Variants in TRAF3 observed in about 807,000 individuals in gnomAD.
TRAF3 encodes the protein TNF receptor-associated factor 3.
A neutral mutation model predicts 62.3 loss-of-function variants in TRAF3; 13 were observed. The ratio of observed to expected loss-of-function variants is 0.21; its 90% confidence interval spans 0.14 to 0.33. The LOEUF (loss-of-function observed/expected upper bound fraction) is 0.33. TRAF3 is among the 10% of genes least tolerant of loss of function. TRAF3 has a pLI of 1.00. For synonymous variants in TRAF3, 269 were observed against 283.4 expected (o/e 0.95, Z 0.51); for missense variants, 440 against 741.8 (o/e 0.59, Z 4.73).
chr14:102,833,878 A>G (rs1467676220), intron 2 of TRAF3, among the ~76,000 whole-genome samples: 1 of 151,820 alleles, frequency 6.6e-6, no homozygotes, highest in African/African-American at 2.4e-5. Flanking sequence ...AATCCCAGCT[A>G]CTCAGGAGGC....
chr14:102,811,722 A>G (rs1172067182), intron 1 of TRAF3, among the ~76,000 whole-genome samples: 1 of 99,668 alleles, frequency 1.0e-5, no homozygotes, highest in African/African-American at 3.4e-5. Context: ...ATACTGCTAC[A>G]GCAGTAGTGT....
At chr14:102,791,938 G>A (rs1347580581) in intron 1 of TRAF3, among the ~76,000 whole-genome samples, 1 of 150,820 alleles carries the variant, frequency 6.6e-6, no homozygotes, top group Non-Finnish European at 1.5e-5. Flanking sequence ...TCAGCCTCCT[G>A]AGTAGGTGGG....
chr14:102,811,550 G>GTTTTTTTTTTTTTTTTTTT (rs35064640), intron 1 of TRAF3, among the ~76,000 whole-genome samples: 7 of 79,510 alleles, frequency 8.8e-5, no homozygotes, highest in Non-Finnish European at 1.2e-4. Flanking sequence ...GCTGTAGGCG[G>GTTTTTTTTTTTTTTTTTTT]TTTTTTTTTT....
chr14:102,899,836 C>T (rs1002972752), intron 10 of TRAF3, among the ~76,000 whole-genome samples: 3 of 152,082 alleles, frequency 2.0e-5, no homozygotes, highest in African/African-American at 4.8e-5. Context: ...GTCCGGGGAA[C>T]GATGAGTTCT....
At chr14:102,779,533 G>T (rs1419988732) in intron 1 of TRAF3, among the ~76,000 whole-genome samples, 1 of 152,090 alleles carries the variant, frequency 6.6e-6, no homozygotes, top group African/African-American at 2.4e-5. Context: ...ATCTGAGCCT[G>T]CGTTGCGGAT....
chr14:102,790,900 C>G (rs1307352993), intron 1 of TRAF3, among the ~76,000 whole-genome samples: 1 of 151,752 alleles, frequency 6.6e-6, no homozygotes, highest in African/African-American at 2.4e-5. Context: ...TTTTTCATTT[C>G]TGCAAAAAAG....
At chr14:102,814,984 G>A (rs1452915074) in intron 1 of TRAF3, among the ~76,000 whole-genome samples, 1 of 152,200 alleles carries the variant, frequency 6.6e-6, no homozygotes, top group Non-Finnish European at 1.5e-5. Flanking sequence ...TGGCCAGGCT[G>A]TAGTGCAGTG....
chr14:102,872,021 A>G (rs1049476206), intron 4 of TRAF3, 53 bp downstream of exon 4: 14 of 1,580,684 alleles, frequency 8.9e-6, no homozygotes, highest in African/African-American at 2.7e-5. Context: ...GCTGGGTAAT[A>G]CTTTTCACAT....
intron 1 of TRAF3, among the ~76,000 whole-genome samples, chr14:102,805,627 G>A (rs1377658397): frequency 6.6e-6 from 1 of 152,168 alleles, no homozygotes; most frequent in East Asian, 1.9e-4. Context: ...CCTGCAGCCA[G>A]CTCGGTGATT....
intron 2 of TRAF3, among the ~76,000 whole-genome samples, chr14:102,832,850 A>G (rs1204124150): frequency 3.9e-5 from 6 of 152,162 alleles, no homozygotes; most frequent in Non-Finnish European, 4.4e-5. Flanking sequence ...CTACAAAATG[A>G]GATGTTGAAT....
chr14:102,781,792 ATT>A (rs916288245), intron 1 of TRAF3, among the ~76,000 whole-genome samples: 21 of 111,202 alleles, frequency 1.9e-4, no homozygotes, highest in African/African-American at 3.5e-4. Flanking sequence ...ACGCTTGGCT[ATT>A]TTTTTTTTTT....
intron 6 of TRAF3, among the ~76,000 whole-genome samples, chr14:102,878,421 G>T (rs565460545): frequency 6.6e-6 from 1 of 150,802 alleles, no homozygotes; most frequent in Non-Finnish European, 1.5e-5. Context: ...TGTGAATGTG[G>T]GTGTGTGTGT....
intron 2 of TRAF3, among the ~76,000 whole-genome samples, chr14:102,849,547 C>T (rs1886914859): frequency 6.6e-6 from 1 of 152,210 alleles, no homozygotes; most frequent in Non-Finnish European, 1.5e-5. Context: ...GGCTTTAAGA[C>T]CATGTGTTAT....
At chr14:102,872,222 G>A (rs1452090723) in intron 4 of TRAF3, among the ~76,000 whole-genome samples, 1 of 152,182 alleles carries the variant, frequency 6.6e-6, no homozygotes, top group African/African-American at 2.4e-5. Context: ...CATATCACCT[G>A]CTAAGACCGC....
chr14:102,808,506 C>T (rs540958357), intron 1 of TRAF3, among the ~76,000 whole-genome samples: 2 of 83,394 alleles, frequency 2.4e-5, no homozygotes, highest in African/African-American at 5.1e-5. Flanking sequence ...GAGCGAGACT[C>T]CATCTCAAAA....
chr14:102,780,748 G>T (rs1358102707), intron 1 of TRAF3, among the ~76,000 whole-genome samples: 1 of 152,136 alleles, frequency 6.6e-6, no homozygotes, highest in Non-Finnish European at 1.5e-5. Flanking sequence ...TGTGCCCTGA[G>T]TTCTCATAAT....
At chr14:102,837,150 T>TGGG (rs35123618) in intron 2 of TRAF3, among the ~76,000 whole-genome samples, 1 of 142,898 alleles carries the variant, frequency 7.0e-6, no homozygotes, top group Non-Finnish European at 1.5e-5. Flanking sequence ...GTGTTTTTTT[T>TGGG]GGGGGGGGGT....
At chr14:102,850,188 G>A (rs982628113) in intron 2 of TRAF3, among the ~76,000 whole-genome samples, 2 of 152,214 alleles carry the variant, frequency 1.3e-5, no homozygotes, top group Non-Finnish European at 2.9e-5. Context: ...CCTCTTTGCT[G>A]TACTAGGTAT....
intron 6 of TRAF3, among the ~76,000 whole-genome samples, chr14:102,880,107 C>A (rs1408174847): frequency 6.6e-6 from 1 of 152,104 alleles, no homozygotes; most frequent in Non-Finnish European, 1.5e-5. Flanking sequence ...CAGAGTGAGA[C>A]CCTGTCTCAA....
Sources: allele counts gnomAD v4.1 joint callset (sites outside exome capture counted in the v4.1 genomes callset), GRCh38; gene constraint gnomAD v4.1.1; transcripts MANE v1.5; gene names NCBI Gene and HGNC (gene_info 2026-07-23, HGNC 2026-07-21).